LRRIQ3: variants seen among roughly 807,000 people sequenced by gnomAD.
LRRIQ3 encodes leucine rich repeats and IQ motif containing 3.
LRRIQ3 carries 75 observed loss-of-function variants against 59.3 expected under a neutral mutation model. The ratio of observed to expected loss-of-function variants is 1.26; its 90% confidence interval spans 1.05 to 1.53. The LOEUF is 1.53. LRRIQ3 is among the 40% of genes most tolerant of loss of function. The pLI, the probability that LRRIQ3 is intolerant of heterozygous loss-of-function variation, is 0.00. For synonymous variants in LRRIQ3, 250 were observed against 231.3 expected, an observed-to-expected ratio of 1.08 and a Z score of -0.73; for missense variants, 831 against 710.0, an observed-to-expected ratio of 1.17 and a Z score of -1.94.
At chr1:74,166,961 G>A (rs1027637174) in intron 3 of LRRIQ3, among the ~76,000 whole-genome samples, 17 of 151,814 alleles carry the variant, frequency 1.1e-4, no homozygotes, top group African/African-American at 2.9e-4. Context: ...AGACGCTGGC[G>A]TGGATGTGGT....
intron 3 of LRRIQ3, among the ~76,000 whole-genome samples, chr1:74,174,707 T>C (rs1315391673): frequency 1.3e-5 from 2 of 152,104 alleles, no homozygotes; most frequent in Non-Finnish European, 2.9e-5. Context: ...AACTTCATTT[T>C]GGTTAATGTT....
intron 4 of LRRIQ3, 129 bp downstream of exon 4, chr1:74,155,604 G>C: frequency 1.4e-6 from 1 of 705,452 alleles, no homozygotes; most frequent in East Asian, 3.3e-5. Context: ...TTAAAGTTAG[G>C]TTAAACAGAC....
intron 5 of LRRIQ3, among the ~76,000 whole-genome samples, chr1:74,081,136 A>G (rs149372315): frequency 1.2e-3 from 178 of 151,774 alleles, no homozygotes; most frequent in African/African-American, 4.2e-3. Context: ...AAGAGAGTGA[A>G]CTAGAAGTGA....
At chr1:74,167,619 G>A (rs1649070682) in intron 3 of LRRIQ3, among the ~76,000 whole-genome samples, 1 of 151,762 alleles carries the variant, frequency 6.6e-6, no homozygotes, top group African/African-American at 2.4e-5. Flanking sequence ...AGAAGTGGTT[G>A]GGCTGGGGGT....
At chr1:74,027,076 T>C (rs1653538522) in intron 7 of LRRIQ3, 107 bp from the exon 8 acceptor site, 3 of 709,472 alleles carry the variant, frequency 4.2e-6, no homozygotes, top group South Asian at 5.2e-5. Flanking sequence ...GAAATAGGCA[T>C]ATACAAGTGA....
chr1:74,098,534 C>A (rs956058271), intron 5 of LRRIQ3, among the ~76,000 whole-genome samples: 1 of 152,152 alleles, frequency 6.6e-6, no homozygotes, highest in African/African-American at 2.4e-5. Flanking sequence ...GAATTGAACT[C>A]AGCTCTGCAC....
chr1:74,183,255 A>G, intron 2 of LRRIQ3, 181 bp downstream of exon 2: 1 of 452,652 alleles, frequency 2.2e-6, no homozygotes, highest in Non-Finnish European at 3.8e-6. Context: ...ATGTATTTTC[A>G]TTTACATCAA....
intron 4 of LRRIQ3, among the ~76,000 whole-genome samples, chr1:74,115,552 A>G (rs2100574579): frequency 6.6e-6 from 1 of 152,194 alleles, no homozygotes; most frequent in African/African-American, 2.4e-5. Context: ...GTGTTTGTAA[A>G]ACTTTGCTTT....
intron 6 of LRRIQ3, among the ~76,000 whole-genome samples, chr1:74,073,955 T>G: frequency 6.6e-6 from 1 of 152,160 alleles, no homozygotes; most frequent in Admixed American, 6.6e-5. Context: ...ACTAAAATTT[T>G]ATCAGCAATA....
At chr1:74,127,945 A>T (rs912250445) in intron 4 of LRRIQ3, among the ~76,000 whole-genome samples, 2 of 151,952 alleles carry the variant, frequency 1.3e-5, no homozygotes, top group African/African-American at 4.8e-5. Context: ...TTTGTATGGA[A>T]AATTATATCT....
chr1:74,197,012 TC>T (rs1266355302), intron 1 of LRRIQ3, among the ~76,000 whole-genome samples: 6 of 152,208 alleles, frequency 3.9e-5, no homozygotes, highest in African/African-American at 1.4e-4. Context: ...TCTGACCTTC[TC>T]TCGCTACTTT....
At chr1:74,176,906 G>A (rs1649676579) in intron 3 of LRRIQ3, among the ~76,000 whole-genome samples, 1 of 152,058 alleles carries the variant, frequency 6.6e-6, no homozygotes, top group African/African-American at 2.4e-5. Flanking sequence ...AGGGTGTTGG[G>A]TTGCTTCACT....
At chr1:74,147,312 C>T (rs1189389742) in intron 4 of LRRIQ3, among the ~76,000 whole-genome samples, 1 of 152,148 alleles carries the variant, frequency 6.6e-6, no homozygotes, top group Non-Finnish European at 1.5e-5. Context: ...TTCTAGGCAA[C>T]AAGAACATTC....
At chr1:74,130,239 G>A (rs1646992988) in intron 4 of LRRIQ3, among the ~76,000 whole-genome samples, 1 of 152,038 alleles carries the variant, frequency 6.6e-6, no homozygotes, top group Admixed American at 6.6e-5. Flanking sequence ...GAGCACTTTA[G>A]CCCCGGGTAA....
chr1:74,175,330 C>T lies in LRRIQ3; in HGVS notation c.573+7208G>A, dbSNP rs527889301. The stretch of plus-strand genomic sequence containing the variant: ...TTTGCCCACCACTAACAGCTCTACC[C>T]TCCCCCTTTTTTTGTTGTTGTTGTT... On this transcript the variant is annotated intron_variant, in intron 3 of 7. Transcript: ENST00000354431. Among the ~76,000 whole-genome samples, 7 of 152,270 alleles carry T rather than the reference C, an allele frequency of 4.6e-5. No individual in the cohort carries two copies. In the East Asian group the frequency reaches 9.7e-4, roughly 21 times the overall value.
At chr1:74,180,906 T>G (rs989592985) in intron 3 of LRRIQ3, 1 of 947,436 alleles carries the variant, frequency 1.1e-6, no homozygotes. Flanking sequence ...GTTAATGCCT[T>G]ACTTTCTTTT....
intron 4 of LRRIQ3, among the ~76,000 whole-genome samples, chr1:74,142,906 G>T (rs1036312970): frequency 6.6e-6 from 1 of 151,938 alleles, no homozygotes. Flanking sequence ...TAAGTCTAAT[G>T]AGGACAAGAA....
At chr1:74,038,615 C>T (rs750809386) in intron 7 of LRRIQ3, among the ~76,000 whole-genome samples, 1 of 152,162 alleles carries the variant, frequency 6.6e-6, no homozygotes, top group Non-Finnish European at 1.5e-5. Context: ...GAAGCAGGCA[C>T]TCATCTCTGC....
At chr1:74,144,989 C>A (rs900974088) in intron 4 of LRRIQ3, among the ~76,000 whole-genome samples, 2 of 151,788 alleles carry the variant, frequency 1.3e-5, no homozygotes, top group Non-Finnish European at 2.9e-5. Flanking sequence ...ATAGAGACCC[C>A]AGATCAATCT....
Sources: gnomAD v4.1 joint callset for allele counts (sites outside exome capture counted in the v4.1 genomes callset) on GRCh38, gnomAD v4.1.1 for gene constraint, MANE v1.5 for transcripts, NCBI Gene and HGNC (gene_info 2026-07-23, HGNC 2026-07-21) for gene names.